SP7: variants seen among roughly 807,000 people sequenced by gnomAD.
The protein encoded by SP7 is Sp7 transcription factor, also known as transcription factor Sp7.
In SP7, 13 loss-of-function variants were observed where a neutral mutation model predicts 27.9. The ratio of observed to expected loss-of-function variants is 0.47; its 90% CI spans 0.30 to 0.74. The LOEUF is 0.74. SP7 is among the 30% of genes least tolerant of loss of function. The probability of loss-of-function intolerance (pLI) is 0.06; values close to 1 mark genes in which losing one functional copy is unlikely to be tolerated. For synonymous variants in SP7, 219 were observed against 226.7 expected, an observed-to-expected ratio of 0.97 and a Z score of 0.31; for missense variants, 525 against 558.0, an observed-to-expected ratio of 0.94 and a Z score of 0.60.
upstream of SP7, among the ~76,000 whole-genome samples, chr12:53,340,475 A>G (rs1421733161): frequency 2.0e-5 from 3 of 152,068 alleles, no homozygotes; most frequent in Admixed American, 2.0e-4. Context: ...AATACTCCAC[A>G]CACACACCAG....
Position 53,329,413 on chromosome 12 carries a change from A to T in SP7, c.29T>A (p.Val10Asp). MASSLLEEE[V>D]HYGSSPLAML... ...GGCCAGGGGACTGGAGCCATAGTGA[A>T]CTTCCTCCTGTGGAAAGAGGGACGC... The change falls in exon 3 of 3, where the codon GTT (valine) becomes GAT (aspartate). Residue 10 changes from valine (V) to aspartate (D), a missense_variant. Physicochemically the swap from Val to Asp is radical, Grantham distance 152. Coordinates refer to ENST00000536324, the MANE Select transcript of SP7 (RefSeq NM_001173467.3). The T allele has an allele frequency of 2.5e-6, 4 of 1,613,648 alleles. No individual in the cohort carries two copies. The highest frequency in any genetic ancestry group is 3.4e-6 in the Non-Finnish European group (4 of 1,179,646).
rs921172900 is a variant in SP7, at chr12:53,327,057, G to A, written c.*1089C>T. On this transcript the variant is annotated 3_prime_UTR_variant, in exon 3 of 3. Coordinates refer to ENST00000536324, the MANE Select transcript of SP7 (RefSeq NM_001173467.3). ...AGCACATCTAAGATGGCAGCTGCAA[G>A]CTCTCCATAACCATGGCAACAGGGG... The A allele has an allele frequency of 6.6e-6, 1 of 152,564 alleles. No individual in the cohort carries two copies. The highest frequency in any genetic ancestry group is 2.4e-5 in the African/African-American group (1 of 41,452). 9.5% of individuals were successfully genotyped at this position (152,564 alleles called of 1,614,324 possible).
intron 1 of SP7, among the ~76,000 whole-genome samples, chr12:53,343,275 T>C (rs1282662417): frequency 6.6e-6 from 1 of 151,856 alleles, no homozygotes; most frequent in African/African-American, 2.4e-5. Context: ...ACTTTTGAGA[T>C]GCTGAAAATT....
intron 2 of SP7, among the ~76,000 whole-genome samples, chr12:53,331,470 C>CAAAAA (rs367626786): frequency 9.5e-6 from 1 of 105,346 alleles, no homozygotes; most frequent in Non-Finnish European, 1.8e-5. Flanking sequence ...GACTCCATCT[C>CAAAAA]AAAAAAAAAA....
intron 2 of SP7, among the ~76,000 whole-genome samples, chr12:53,331,857 T>C (rs1944709372): frequency 6.6e-6 from 1 of 152,200 alleles, no homozygotes; most frequent in Non-Finnish European, 1.5e-5. Context: ...TCTTAGCATG[T>C]AGTATGTGTA....
At chr12:53,343,808 G>C (rs1193722036) in intron 1 of SP7, among the ~76,000 whole-genome samples, 1 of 152,120 alleles carries the variant, frequency 6.6e-6, no homozygotes, top group Admixed American at 6.6e-5. Flanking sequence ...ACTTTGAAAG[G>C]CCAAGGCGGG....
rs759338084 is a variant in SP7, at chr12:53,328,317, G to T, written c.1125C>A (p.Thr375=). The T allele has an allele frequency of 6.2e-7, 1 of 1,610,650 alleles. No homozygotes were observed. The highest frequency in any genetic ancestry group is 8.5e-7 in the Non-Finnish European group (1 of 1,177,906). Reference sequence around the variant, plus strand: ...GGGGACCCGGGCCTGGTTCTCCATGGGTGCGCTGGTGTTTGCTCAGGTGGT... The same window carrying T: ...GGGGACCCGGGCCTGGTTCTCCATGTGTGCGCTGGTGTTTGCTCAGGTGGT... ...RSDHLSKHQR[T]HGEPGPGPPP... The change falls in exon 3 of 3, where the codon ACC becomes ACA. Residue 375 remains threonine, a synonymous_variant. Transcript: ENST00000536324. This position sits in a 1 kb window ranked among gnomAD's most constrained non-coding sequence, Gnocchi z 5.1.
chr12:53,335,695 T>C lies in SP7; in HGVS notation c.-47-2A>G. The C allele has an allele frequency of 1.5e-6, 1 of 683,200 alleles. No individual in the cohort carries two copies. Among genetic ancestry groups the C allele is most frequent in the Non-Finnish European group, 1.7e-6 (1 of 586,020 alleles). The allele number at this position is 683,200 out of a possible 1,614,324, so 42.3% of individuals were successfully genotyped here. A position where few individuals can be genotyped will look rare whatever the true frequency, so the allele number is the denominator to read the frequency against. On this transcript the variant is annotated splice_acceptor_variant, in intron 1 of 2. Transcript: ENST00000536324. LOFTEE classifies it low-confidence loss of function (5UTR_SPLICE). ...AAGGAGCCAGGCAGATGGAGAGAGC[T>C]GAGCCGGGGGGTGGGGGGGGTAGAG...
At chr12:53,335,488 C>A in intron 2 of SP7, 138 bp downstream of exon 2, 1 of 715,452 alleles carries the variant, frequency 1.4e-6, no homozygotes. Flanking sequence ...GACCCCACTC[C>A]TCTCTCCTCA....
At chr12:53,337,520 A>G (rs144347461), upstream of SP7, among the ~76,000 whole-genome samples, 1,572 of 152,190 alleles carry the variant, frequency 0.01, 24 homozygotes, top group African/African-American at 0.036. Context: ...CTTAACACAC[A>G]CTTCTCCCCC....
At chr12:53,332,549 GC>G (rs1181439333) in intron 2 of SP7, among the ~76,000 whole-genome samples, 1 of 152,132 alleles carries the variant, frequency 6.6e-6, no homozygotes, top group Non-Finnish European at 1.5e-5. Flanking sequence ...CTGCACTGCA[GC>G]CTGGGCAACA....
chr12:53,342,693 G>A (rs1026625195), intron 1 of SP7, among the ~76,000 whole-genome samples: 1 of 152,016 alleles, frequency 6.6e-6, no homozygotes, highest in African/African-American at 2.4e-5. Context: ...GCAGATGCCT[G>A]TAATCCCAGC....
At chr12:53,338,313 C>T (rs902131365), upstream of SP7, among the ~76,000 whole-genome samples, 1 of 152,134 alleles carries the variant, frequency 6.6e-6, no homozygotes, top group African/African-American at 2.4e-5. Flanking sequence ...ACTGAGGTGC[C>T]AGATGGCTTT....
In SP7 at chr12:53,328,819, G is replaced by T. The variant is rs932435721; in HGVS notation, c.623C>A (p.Ala208Asp). Reference sequence around the variant, plus strand: ...CAAGAGGTGGGGAGCTGGGTAGGGGGCTGGATTAAGGGGAGCAAAGTCAGA... The same window carrying T: ...CAAGAGGTGGGGAGCTGGGTAGGGGTCTGGATTAAGGGGAGCAAAGTCAGA... ...YPSDFAPLNP[A>D]PYPAPHLLQP... The change falls in exon 3 of 3, where the codon GCC (alanine) becomes GAC (aspartate). Residue 208 changes from alanine (A) to aspartate (D), a missense_variant. By Grantham distance (126) the Ala-to-Asp change is moderately radical. Coordinates refer to ENST00000536324, the MANE Select transcript of SP7 (RefSeq NM_001173467.3). This position sits in a 1 kb window ranked among gnomAD's most constrained non-coding sequence, Gnocchi z 5.1. 6.3e-7 allele frequency: 1 copy of T among 1,597,936 alleles called. No individual in the cohort carries two copies. The highest frequency in any genetic ancestry group is 8.6e-7 in the Non-Finnish European group (1 of 1,169,162).
upstream of SP7, among the ~76,000 whole-genome samples, chr12:53,339,082 G>T (rs1944800269): frequency 1.3e-5 from 2 of 152,162 alleles, no homozygotes. Flanking sequence ...TGTGGCAGGG[G>T]CGGGTAGAGG....
intron 2 of SP7, among the ~76,000 whole-genome samples, chr12:53,332,409 T>C (rs1181013012): frequency 1.3e-5 from 2 of 151,946 alleles, no homozygotes; most frequent in Non-Finnish European, 2.9e-5. Flanking sequence ...GAAACCCCAT[T>C]TCTATAACAG....
In SP7 at chr12:53,328,791, T is replaced by A. The variant is rs1447106132; in HGVS notation, c.651A>T (p.Gln217His). 7 of 1,597,484 alleles carry A rather than the reference T, an allele frequency of 4.4e-6. No homozygotes were observed. The highest frequency in any genetic ancestry group is 6.0e-6 in the Non-Finnish European group (7 of 1,168,492). The change falls in exon 3 of 3, where the codon CAA becomes CAT. Residue 217 changes from glutamine to histidine, a missense_variant. Physicochemically the swap from Gln to His is conservative, Grantham distance 24. Coordinates refer to ENST00000536324, the MANE Select transcript of SP7 (RefSeq NM_001173467.3). This position sits in a 1 kb window ranked among gnomAD's most constrained non-coding sequence, Gnocchi z 5.1. Reference protein sequence around the residue: ...PAPYPAPHLLQPGPQHVLPQD... With the variant: ...PAPYPAPHLLHPGPQHVLPQD... ...GGGGCAAGACATGCTGGGGCCCTGG[T>A]TGCAAGAGGTGGGGAGCTGGGTAGG...
chr12:53,327,832 G>C lies in SP7; in HGVS notation c.*314C>G, dbSNP rs1944649446. On this transcript the variant is annotated 3_prime_UTR_variant, in exon 3 of 3. Transcript: ENST00000536324. Reference sequence around the variant, plus strand: ...TGTCAAGGAGTGAGATGGAGAAATAGTGTTGGGAGCCCAAATAGAAAGTGT... The same window carrying C: ...TGTCAAGGAGTGAGATGGAGAAATACTGTTGGGAGCCCAAATAGAAAGTGT... The C allele has an allele frequency of 5.4e-6, 2 of 372,286 alleles. No individual in the cohort carries two copies. The highest frequency in any genetic ancestry group is 9.7e-6 in the Non-Finnish European group (2 of 206,224). The allele number at this position is 372,286 out of a possible 1,614,324, so 23.1% of individuals were successfully genotyped here.
chr12:53,339,156 C>T (rs757309118), upstream of SP7, among the ~76,000 whole-genome samples: 4 of 152,194 alleles, frequency 2.6e-5, no homozygotes, highest in Non-Finnish European at 4.4e-5. Context: ...CCACCCCCCA[C>T]CACCCTGGGG....
Sources: allele counts gnomAD v4.1 joint callset (sites outside exome capture counted in the v4.1 genomes callset), GRCh38; gene constraint gnomAD v4.1.1; non-coding constraint Gnocchi (gnomAD v3.1); transcripts MANE v1.5; gene names NCBI Gene and HGNC (gene_info 2026-07-23, HGNC 2026-07-21).